TSHR: variants seen among roughly 807,000 people sequenced by gnomAD.
TSHR encodes the protein thyroid stimulating hormone receptor, also known as thyrotropin receptor.
TSHR carries 51 observed loss-of-function variants against 64.1 expected under a neutral mutation model. The observed-to-expected ratio is 0.80, with a 90% CI of 0.64 to 1.01. The LOEUF (loss-of-function observed/expected upper bound fraction) is 1.01. Ranked by LOEUF, TSHR falls within the 50% of genes least tolerant of loss-of-function variation. The pLI is 0.00. For missense variants in TSHR, 877 were observed against 942.8 expected (o/e 0.93, Z 0.91); for synonymous variants, 361 against 361.9 (o/e 1.00, Z 0.03).
At chr14:81,074,892 G>A (rs1887383138) in intron 3 of TSHR, among the ~76,000 whole-genome samples, 2 of 152,134 alleles carry the variant, frequency 1.3e-5, no homozygotes, top group East Asian at 3.8e-4. Flanking sequence ...GCCAGTACCT[G>A]TCCAGTCTTA....
rs569547760 is a variant in TSHR, at chr14:81,087,713, A to C, written c.318-241A>C. The C allele has an allele frequency of 1.3e-4, 70 of 555,306 alleles. No individual in the cohort carries two copies. In the South Asian group the frequency reaches 1.3e-3, roughly 11 times the overall value. 34.4% of individuals were successfully genotyped at this position (555,306 alleles called of 1,614,324 possible). ...TTAAGAACAATGTAGCCCATAAATT[A>C]AAGTGGACAGAAACCAAGCCAACAA... On this transcript the variant is annotated intron_variant, in intron 3 of 9. Coordinates refer to ENST00000298171, the MANE Select transcript of TSHR (RefSeq NM_000369.5).
chr14:80,978,120 C>CAT (rs1443012371), intron 1 of TSHR, among the ~76,000 whole-genome samples: 4 of 151,764 alleles, frequency 2.6e-5, no homozygotes, highest in Non-Finnish European at 5.9e-5. Flanking sequence ...CACACACACA[C>CAT]ACACACACAC....
chr14:81,004,050 T>G (rs1377579964), intron 1 of TSHR, among the ~76,000 whole-genome samples: 1 of 152,220 alleles, frequency 6.6e-6, no homozygotes, highest in African/African-American at 2.4e-5. Context: ...GATATAGACA[T>G]GTTTATGTAC....
At chr14:81,066,417 T>A (rs534866533) in intron 2 of TSHR, among the ~76,000 whole-genome samples, 1 of 152,182 alleles carries the variant, frequency 6.6e-6, no homozygotes, top group Non-Finnish European at 1.5e-5. Flanking sequence ...TATATTTGTA[T>A]CAAAACAATT....
intron 1 of TSHR, among the ~76,000 whole-genome samples, chr14:80,958,894 A>G (rs1021222155): frequency 5.3e-5 from 8 of 152,148 alleles, no homozygotes; most frequent in Non-Finnish European, 1.0e-4. Flanking sequence ...AATGTAAGGT[A>G]TTTTGTTCCT....
chr14:81,010,650 C>G (rs1396872792), intron 1 of TSHR, among the ~76,000 whole-genome samples: 1 of 151,914 alleles, frequency 6.6e-6, no homozygotes, highest in South Asian at 2.1e-4. Flanking sequence ...TTTTTTTCTC[C>G]CTTTTCAAAA....
Position 81,103,139 on chromosome 14 carries a change from T to A in TSHR, c.615-5236T>A. On this transcript the variant is annotated intron_variant, in intron 7 of 9. Transcript: ENST00000298171. The surrounding 1 kb of genome is among the most constrained non-coding windows in gnomAD (Gnocchi z 4.1). ...CCCTGGGACTGGAGGAAGACAAGGA[T>A]TGAGCTATAGGTGAAGGAAAGAAAG... is the stretch of plus-strand genomic sequence containing the variant. 1.0e-6 allele frequency: 1 copy of A among 985,376 alleles called. No individual in the cohort carries two copies. Among genetic ancestry groups the A allele is most frequent in the Non-Finnish European group, 1.2e-6 (1 of 829,906 alleles). The allele number at this position is 985,376 out of a possible 1,614,324, so 61.0% of individuals were successfully genotyped here.
At chr14:80,963,063 T>C (rs1308479105) in intron 1 of TSHR, among the ~76,000 whole-genome samples, 1 of 152,226 alleles carries the variant, frequency 6.6e-6, no homozygotes, top group Non-Finnish European at 1.5e-5. Context: ...CAAAATAAAT[T>C]ACTCAATTAT....
intron 8 of TSHR, among the ~76,000 whole-genome samples, chr14:81,119,540 A>T (rs1890694929): frequency 7.7e-6 from 1 of 129,874 alleles, no homozygotes; most frequent in Non-Finnish European, 1.6e-5. Context: ...CAGGTGCTGG[A>T]GAGGATGTGG....
intron 1 of TSHR, among the ~76,000 whole-genome samples, chr14:81,035,445 G>A (rs747280934): frequency 6.6e-6 from 1 of 152,118 alleles, no homozygotes; most frequent in African/African-American, 2.4e-5. Flanking sequence ...TATTTATGGA[G>A]CAACAACTTT....
At chr14:81,090,809 A>G (rs1348489896) in intron 4 of TSHR, among the ~76,000 whole-genome samples, 1 of 152,188 alleles carries the variant, frequency 6.6e-6, no homozygotes, top group Non-Finnish European at 1.5e-5. Context: ...GGTTAAAACA[A>G]TCTCCAGAGC....
intron 1 of TSHR, among the ~76,000 whole-genome samples, chr14:81,024,286 G>C (rs1440750153): frequency 6.6e-6 from 1 of 151,626 alleles, no homozygotes; most frequent in African/African-American, 2.4e-5. Flanking sequence ...GTCTTGCTCT[G>C]TCACCAGTCT....
chr14:81,018,390 A>T (rs1235047965), intron 1 of TSHR, among the ~76,000 whole-genome samples: 1 of 152,226 alleles, frequency 6.6e-6, no homozygotes, highest in Non-Finnish European at 1.5e-5. Flanking sequence ...GGGTCAATTA[A>T]TTCCACTTTC....
At chr14:81,016,323 G>A (rs1030981421) in intron 1 of TSHR, among the ~76,000 whole-genome samples, 1 of 152,156 alleles carries the variant, frequency 6.6e-6, no homozygotes, top group African/African-American at 2.4e-5. Flanking sequence ...TAACAGATGT[G>A]AGGTGATCTC....
At chr14:81,033,374 G>T in intron 1 of TSHR, 1 of 259,390 alleles carries the variant, frequency 3.9e-6, no homozygotes. Context: ...GGCCATCCTG[G>T]CCACTTTACA....
At chr14:81,116,039 A>G (rs966335921) in intron 8 of TSHR, among the ~76,000 whole-genome samples, 1 of 152,110 alleles carries the variant, frequency 6.6e-6, no homozygotes, top group Non-Finnish European at 1.5e-5. Context: ...AGCGCTAAAC[A>G]TGGAAAGGAA....
At chr14:81,098,358 T>C in intron 7 of TSHR, among the ~76,000 whole-genome samples, 1 of 152,228 alleles carries the variant, frequency 6.6e-6, no homozygotes, top group Middle Eastern at 3.2e-3. Context: ...TAAATCATTA[T>C]TAAAATTAAT....
In TSHR at chr14:81,103,694, C is replaced by T. The variant is rs1320705836; in HGVS notation, c.615-4681C>T. The T allele has an allele frequency of 1.0e-6, 1 of 985,362 alleles. No homozygotes were observed. The highest frequency in any genetic ancestry group is 1.7e-5 in the African/African-American group (1 of 57,256). The allele number at this position is 985,362 out of a possible 1,614,324, so 61.0% of individuals were successfully genotyped here. On this transcript the variant is annotated intron_variant, in intron 7 of 9. Transcript: ENST00000298171. The surrounding 1 kb of genome is among the most constrained non-coding windows in gnomAD (Gnocchi z 4.1). ...AATAATACAAGCATCCCTTGCTCAACAGAAGTTGAACTGTACTTGGTCACA... is the reference window on the plus strand; with the variant it reads ...AATAATACAAGCATCCCTTGCTCAATAGAAGTTGAACTGTACTTGGTCACA...
chr14:81,092,319 A>T (rs1888803978), intron 5 of TSHR, among the ~76,000 whole-genome samples: 1 of 152,106 alleles, frequency 6.6e-6, no homozygotes, highest in South Asian at 2.1e-4. Context: ...CTTACCCCAC[A>T]TTTGGGCTCC....
Sources: gnomAD v4.1 joint callset for allele counts (sites outside exome capture counted in the v4.1 genomes callset) on GRCh38, gnomAD v4.1.1 for gene constraint, Gnocchi (gnomAD v3.1) non-coding constraint, MANE v1.5 for transcripts, NCBI Gene and HGNC (gene_info 2026-07-23, HGNC 2026-07-21) for gene names.